Variants in ZNF723 observed in about 807,000 individuals in gnomAD.
ZNF723 encodes the protein zinc finger protein 723.
In ZNF723, 5 loss-of-function variants were observed where a neutral mutation model predicts 9.4. The ratio of observed to expected loss-of-function variants is 0.53; its 90% CI spans 0.28 to 1.12. The LOEUF (loss-of-function observed/expected upper bound fraction) is 1.12, where lower values mean the gene tolerates loss of function less well. Ranked by LOEUF, ZNF723 falls within the 50% of genes most tolerant of loss-of-function variation. ZNF723 has a pLI of 0.10. For synonymous variants in ZNF723, 158 were observed against 168.8 expected (o/e 0.94, Z 0.49); for missense variants, 450 against 501.5 (o/e 0.90, Z 0.98).
the ZNF723 span, among the ~76,000 whole-genome samples, chr19:22,819,922 T>G: frequency 6.6e-6 from 1 of 152,060 alleles, no homozygotes; most frequent in African/African-American, 2.4e-5. Flanking sequence ...ACCTAGGTGA[T>G]TTGACTCTTC....
intron 1 of ZNF723, among the ~76,000 whole-genome samples, chr19:22,833,633 A>G (rs1036665168): frequency 1.1e-4 from 17 of 151,698 alleles, no homozygotes; most frequent in Non-Finnish European, 2.2e-4. Context: ...TTTTTGAAAC[A>G]GAGTCTCACT....
At chr19:22,833,497 C>G (rs950461314) in intron 1 of ZNF723, among the ~76,000 whole-genome samples, 1 of 151,942 alleles carries the variant, frequency 6.6e-6, no homozygotes, top group Non-Finnish European at 1.5e-5. Context: ...CTCAAATGTA[C>G]CCCCCAATCC....
At chr19:22,817,261 C>T in the ZNF723 span, among the ~76,000 whole-genome samples, 1 of 152,158 alleles carries the variant, frequency 6.6e-6, no homozygotes, top group Admixed American at 6.6e-5. Context: ...CTGGACCCGG[C>T]ACCTAAGTTA....
rs927193126 is a variant in ZNF723, at chr19:22,857,621, C to G, written c.730C>G (p.Leu244Val). The G allele has an allele frequency of 3.1e-6, 4 of 1,295,008 alleles. No homozygotes were observed. The African/African-American group carries it at 5.8e-5, about 19-fold the overall frequency. 80.2% of individuals were successfully genotyped at this position (1,295,008 alleles called of 1,614,324 possible). The change falls in exon 4 of 4, where the codon CTT becomes GTT. Residue 244 changes from leucine (L) to valine (V), a missense_variant. Coordinates refer to ENST00000600766, the MANE Select transcript of ZNF723 (RefSeq NM_001349726.2). ...CAAAGCCTTTAATGTGTCCTCAAGC[C>G]TTAATAATCATAAGAGAATTCATAC... ...CGKAFNVSSSLNNHKRIHTGE... is the reference protein window; with the variant it reads ...CGKAFNVSSSVNNHKRIHTGE...
At chr19:22,835,027 C>G in intron 1 of ZNF723, among the ~76,000 whole-genome samples, 1 of 150,456 alleles carries the variant, frequency 6.6e-6, no homozygotes, top group African/African-American at 2.4e-5. Flanking sequence ...TGACACATGA[C>G]TGAGACACAT....
chr19:22,847,873 G>A (rs1967335850), intron 1 of ZNF723, among the ~76,000 whole-genome samples: 1 of 151,956 alleles, frequency 6.6e-6, no homozygotes, highest in Non-Finnish European at 1.5e-5. Flanking sequence ...GGCCAAGGCG[G>A]ATGCATCATC....
At chr19:22,820,923 C>T in the ZNF723 span, among the ~76,000 whole-genome samples, 1 of 152,206 alleles carries the variant, frequency 6.6e-6, no homozygotes, top group South Asian at 2.1e-4. Flanking sequence ...AAACCATCCA[C>T]TGTTGAGGCT....
the ZNF723 span, among the ~76,000 whole-genome samples, chr19:22,816,575 G>C: frequency 6.6e-6 from 1 of 152,244 alleles, no homozygotes; most frequent in Admixed American, 6.5e-5. Flanking sequence ...CCTTCCTGCA[G>C]CTGTGATTGT....
At chr19:22,825,653 C>T in the ZNF723 span, among the ~76,000 whole-genome samples, 1 of 152,182 alleles carries the variant, frequency 6.6e-6, no homozygotes, top group African/African-American at 2.4e-5. Flanking sequence ...ATCACTGAGC[C>T]CAACACCTAG....
intron 3 of ZNF723, among the ~76,000 whole-genome samples, chr19:22,856,372 T>C (rs1967480113): frequency 6.6e-6 from 1 of 152,212 alleles, no homozygotes; most frequent in South Asian, 2.1e-4. Context: ...GTTGTCTGTG[T>C]TTCCATTTCA....
At chr19:22,838,326 A>G (rs956538605) in intron 1 of ZNF723, among the ~76,000 whole-genome samples, 4 of 151,776 alleles carry the variant, frequency 2.6e-5, no homozygotes, top group African/African-American at 9.7e-5. Context: ...GGCTGAGGCG[A>G]GTGGATCACG....
the ZNF723 span, among the ~76,000 whole-genome samples, chr19:22,820,264 T>C: frequency 6.6e-6 from 1 of 152,146 alleles, no homozygotes; most frequent in Non-Finnish European, 1.5e-5. Context: ...TGTGAAATAC[T>C]CATGGGCCCC....
At chr19:22,833,832 C>T (rs1206192264) in intron 1 of ZNF723, among the ~76,000 whole-genome samples, 1 of 151,122 alleles carries the variant, frequency 6.6e-6, no homozygotes, top group African/African-American at 2.4e-5. Context: ...TCTTGAACTC[C>T]TGACCTCAGG....
rs1459674598 is a variant in ZNF723 at position 22,844,858 on chromosome 19, A to T, written c.4-3403A>T. On this transcript the variant is annotated intron_variant, in intron 1 of 3. Coordinates refer to ENST00000600766, the MANE Select transcript of ZNF723 (RefSeq NM_001349726.2). ...ACATTCATGGCCGGCGTGGTGGCTCATGCCTGTAATCCCATTTGGGAGGCC... is the reference window on the plus strand; with the variant it reads ...ACATTCATGGCCGGCGTGGTGGCTCTTGCCTGTAATCCCATTTGGGAGGCC... Among the ~76,000 whole-genome samples the T allele has an allele frequency of 5.3e-5, 8 of 152,334 alleles. No individual in the cohort carries two copies. The East Asian group carries it at 1.5e-3, about 29-fold the overall frequency.
At chr19:22,814,870 C>T in the ZNF723 span, among the ~76,000 whole-genome samples, 1 of 152,128 alleles carries the variant, frequency 6.6e-6, no homozygotes, top group African/African-American at 2.4e-5. Flanking sequence ...TGACATATCA[C>T]TGGCCCTAGA....
chr19:22,849,708 A>G lies in ZNF723; in HGVS notation c.226+415A>G, dbSNP rs558372500. On this transcript the variant is annotated intron_variant, in intron 3 of 3. Coordinates refer to ENST00000600766, the MANE Select transcript of ZNF723 (RefSeq NM_001349726.2). ...TGGATCACCTGAGGTCAGGAGTTCG[A>G]GACCAGCCTGGCCAACATGGTGAAA... Among the ~76,000 whole-genome samples, 940 of 152,298 alleles carry G rather than the reference A, an allele frequency of 6.2e-3. 9 individuals are homozygous for G. Among genetic ancestry groups the G allele is most frequent in the Non-Finnish European group, 5.7e-3 (385 of 68,028 alleles).
intron 1 of ZNF723, among the ~76,000 whole-genome samples, chr19:22,835,159 G>A (rs1366282315): frequency 6.7e-6 from 1 of 149,284 alleles, no homozygotes; most frequent in East Asian, 2.0e-4. Context: ...TCCTTTCTAA[G>A]CCTCCGGAGT....
At chr19:22,814,116 A>G in the ZNF723 span, among the ~76,000 whole-genome samples, 7 of 152,140 alleles carry the variant, frequency 4.6e-5, no homozygotes, top group Non-Finnish European at 5.9e-5. Context: ...CCGGCCAGCA[A>G]AACATTTTTA....
upstream of ZNF723, among the ~76,000 whole-genome samples, chr19:22,830,371 T>C (rs1452798656): frequency 6.6e-6 from 1 of 152,256 alleles, no homozygotes; most frequent in Non-Finnish European, 1.5e-5. Flanking sequence ...TCTTACTATG[T>C]TGCCCAGGCT....
Sources: gnomAD v4.1 joint callset for allele counts (sites outside exome capture counted in the v4.1 genomes callset) on GRCh38, gnomAD v4.1.1 for gene constraint, MANE v1.5 for transcripts, NCBI Gene and HGNC (gene_info 2026-07-23, HGNC 2026-07-21) for gene names.